The following CORIN variants were observed in gnomAD, a reference collection of about 807,000 sequenced individuals.
CORIN encodes atrial natriuretic peptide-converting enzyme.
A neutral mutation model predicts 125.3 loss-of-function variants in CORIN; 117 were observed. The observed-to-expected ratio is 0.93, with a 90% CI of 0.80 to 1.09. The LOEUF (loss-of-function observed/expected upper bound fraction) is 1.09. Among genes scored for constraint, CORIN ranks in the 50% least tolerant of loss-of-function variants. The probability of loss-of-function intolerance (pLI) is 0.00; values close to 1 mark genes in which losing one functional copy is unlikely to be tolerated. For missense variants in CORIN, 1,253 were observed against 1,306.7 expected, an observed-to-expected ratio of 0.96 and a Z score of 0.63; for synonymous variants, 450 against 466.4, an observed-to-expected ratio of 0.96 and a Z score of 0.45.
intron 4 of CORIN, among the ~76,000 whole-genome samples, chr4:47,749,207 T>A (rs1480109889): frequency 6.6e-6 from 1 of 152,098 alleles, no homozygotes; most frequent in African/African-American, 2.4e-5. Flanking sequence ...CCCTGTTTAA[T>A]CCCCTCCTCT....
At chr4:47,717,384 C>T (rs1186066492) in intron 5 of CORIN, among the ~76,000 whole-genome samples, 2 of 152,136 alleles carry the variant, frequency 1.3e-5, no homozygotes, top group Non-Finnish European at 2.9e-5. Flanking sequence ...CTTCAAAGAC[C>T]TCCTCTAGTT....
chr4:47,727,622 A>G (rs1484903739), intron 5 of CORIN, among the ~76,000 whole-genome samples: 1 of 152,242 alleles, frequency 6.6e-6, no homozygotes, highest in East Asian at 1.9e-4. Context: ...CATTAAAAAG[A>G]TATTACACTG....
chr4:47,693,004 G>A lies in CORIN; in HGVS notation c.879C>T (p.Asn293=), dbSNP rs549564745. The change falls in exon 6 of 22, where the codon AAC becomes AAT. Residue 293 remains asparagine (N), a synonymous_variant. Transcript: ENST00000273857. ...CCTCGTCACTCCAGTCGTCACAGTC[G>A]TTGTAGCCATTACATTGCAGTTTCC... ...IPGKLQCNGY[N]DCDDWSDEAH... 15 of 1,613,630 alleles carry A rather than the reference G, an allele frequency of 9.3e-6. No individual in the cohort carries two copies. The highest frequency in any genetic ancestry group is 6.7e-5 in the East Asian group (3 of 44,882).
At chr4:47,799,402 A>C (rs903744031) in intron 2 of CORIN, among the ~76,000 whole-genome samples, 1 of 152,030 alleles carries the variant, frequency 6.6e-6, no homozygotes, top group African/African-American at 2.4e-5. Context: ...CACCAACAGC[A>C]TACCTTTTCT....
chr4:47,595,918 G>C lies in CORIN; in HGVS notation c.2947-15C>G, dbSNP rs774093911. On this transcript the variant is annotated splice_polypyrimidine_tract_variant and intron_variant, in intron 21 of 21. Transcript: ENST00000273857. ...CCGCTGTCACCCTGCAATAAGTAAC[G>C]ATGGGAGTTAGGAACTGGCATTTCA... 3 of 1,600,954 alleles carry C rather than the reference G, an allele frequency of 1.9e-6. No homozygotes were observed. The highest frequency in any genetic ancestry group is 2.6e-6 in the Non-Finnish European group (3 of 1,174,744).
intron 9 of CORIN, among the ~76,000 whole-genome samples, chr4:47,677,350 T>C (rs1375504845): frequency 1.3e-5 from 2 of 152,216 alleles, no homozygotes; most frequent in Non-Finnish European, 2.9e-5. Flanking sequence ...ACAAATGTGA[T>C]GTTTGAGTCT....
chr4:47,807,126 T>G, intron 1 of CORIN, 79 bp from the exon 2 acceptor site: 1 of 1,119,660 alleles, frequency 8.9e-7, no homozygotes, highest in Non-Finnish European at 1.3e-6. Context: ...AGCTATCCAT[T>G]TAGAACAGCA....
intron 2 of CORIN, among the ~76,000 whole-genome samples, chr4:47,798,442 C>G (rs1158660543): frequency 6.6e-6 from 1 of 152,102 alleles, no homozygotes; most frequent in Non-Finnish European, 1.5e-5. Context: ...CTAATGTACA[C>G]AGAAATAACT....
At position 47,806,955 on chromosome 4, in the gene CORIN, A is replaced by T; in HGVS notation, c.156T>A (p.Ile52=). The change falls in exon 2 of 22, where the codon ATT becomes ATA. Residue 52 remains isoleucine (I), a synonymous_variant. Transcript: ENST00000273857. ...AGAGAACGAGAGCACAGATACATGG[A>T]ATCAGGACCAGCAATAGGAACCGGA... The part of the protein sequence containing the change: ...NLLRFLLLVL[I]PCICALVLLL... 6.2e-7 allele frequency: 1 copy of T among 1,613,928 alleles called. No homozygotes were observed. The highest frequency in any genetic ancestry group is 8.5e-7 in the Non-Finnish European group (1 of 1,179,832).
intron 1 of CORIN, among the ~76,000 whole-genome samples, chr4:47,829,101 T>G (rs1732861539): frequency 8.1e-6 from 1 of 124,190 alleles, no homozygotes; most frequent in African/African-American, 3.2e-5. Context: ...GAGCTTGCAG[T>G]GAGCCGAGAT....
chr4:47,648,320 T>C (rs186148980), intron 13 of CORIN, among the ~76,000 whole-genome samples: 13 of 152,284 alleles, frequency 8.5e-5, no homozygotes, highest in African/African-American at 3.1e-4. Context: ...CAACCAATAA[T>C]TGAGGATACA....
Position 47,674,489 on chromosome 4 carries a change from A to G in CORIN, c.1261T>C (p.Cys421Arg), listed in dbSNP as rs1446853517. 9.3e-6 allele frequency: 15 copies of G among 1,610,604 alleles called. No individual in the cohort carries two copies. The highest frequency in any genetic ancestry group is 4.4e-5 in the South Asian group (4 of 91,018). Residue 421 changes from cysteine to arginine, a missense_variant, in exon 10 of 22, where the codon TGT (cysteine) becomes CGT (arginine). Coordinates refer to ENST00000273857, the MANE Select transcript of CORIN (RefSeq NM_006587.4). ...AGGCATCTTTGGTCTCCTTCTTGAC[A>G]TGAAGTCTGAACTACAGAGGGAGGA... Reference protein sequence around the residue: ...EENCSVIQTSCQEGDQRCLYN... With the variant: ...EENCSVIQTSRQEGDQRCLYN...
At chr4:47,715,122 T>C (rs562350337) in intron 5 of CORIN, among the ~76,000 whole-genome samples, 1 of 152,268 alleles carries the variant, frequency 6.6e-6, no homozygotes, top group South Asian at 2.1e-4. Context: ...GTAGTACACA[T>C]ACAATGAAGC....
intron 2 of CORIN, among the ~76,000 whole-genome samples, chr4:47,804,099 A>C (rs1430128854): frequency 6.6e-6 from 1 of 152,232 alleles, no homozygotes; most frequent in Admixed American, 6.5e-5. Context: ...TAAGCATATG[A>C]AAAGGGGCTC....
intron 4 of CORIN, among the ~76,000 whole-genome samples, chr4:47,748,875 C>T (rs1212840744): frequency 6.6e-6 from 1 of 152,042 alleles, no homozygotes; most frequent in Non-Finnish European, 1.5e-5. Flanking sequence ...CAGAAAATTT[C>T]CATATATCCT....
intron 1 of CORIN, among the ~76,000 whole-genome samples, chr4:47,829,437 C>G (rs1259399408): frequency 6.6e-6 from 1 of 152,176 alleles, no homozygotes; most frequent in African/African-American, 2.4e-5. Context: ...CATTCGTATC[C>G]TTTATCATAA....
At chr4:47,755,443 T>C (rs1318571130) in intron 4 of CORIN, among the ~76,000 whole-genome samples, 1 of 152,220 alleles carries the variant, frequency 6.6e-6, no homozygotes, top group African/African-American at 2.4e-5. Flanking sequence ...CAGTATCCTC[T>C]ACATATTTTA....
chr4:47,751,063 G>A (rs754781827), intron 4 of CORIN, among the ~76,000 whole-genome samples: 2 of 152,180 alleles, frequency 1.3e-5, no homozygotes, highest in Admixed American at 6.5e-5. Context: ...TTGTTGGTTT[G>A]TTTTTTCTTC....
intron 5 of CORIN, among the ~76,000 whole-genome samples, chr4:47,736,031 A>G (rs895320735): frequency 1.3e-5 from 2 of 152,060 alleles, no homozygotes; most frequent in African/African-American, 4.8e-5. Flanking sequence ...GTGTTACATA[A>G]CACTGATGAT....
Sources: gnomAD v4.1 joint callset for allele counts (sites outside exome capture counted in the v4.1 genomes callset) on GRCh38, gnomAD v4.1.1 for gene constraint, MANE v1.5 for transcripts, NCBI Gene and HGNC (gene_info 2026-07-23, HGNC 2026-07-21) for gene names.